The following PLIN5 variants were observed in gnomAD, a reference collection of about 807,000 sequenced individuals.
PLIN5 encodes the protein perilipin-5.
Under a neutral mutation model 32.8 loss-of-function variants are expected in PLIN5, and 34 were observed. That is an observed-to-expected ratio of 1.04 (90% CI 0.79 to 1.38). The LOEUF is 1.38. Ranked by LOEUF, PLIN5 falls within the 40% of genes most tolerant of loss-of-function variation. The pLI, the probability that PLIN5 is intolerant of heterozygous loss-of-function variation, is 0.00. For missense variants in PLIN5, 712 were observed against 660.5 expected (o/e 1.08, Z -0.85); for synonymous variants, 309 against 292.9 (o/e 1.05, Z -0.56).
chr19:4,527,471 G>A (rs563249814), intron 5 of PLIN5, among the ~76,000 whole-genome samples: 2 of 149,294 alleles, frequency 1.3e-5, no homozygotes, highest in African/African-American at 4.9e-5. Context: ...CCCAGGAGGC[G>A]GAGGCTGCAG....
intron 3 of PLIN5, among the ~76,000 whole-genome samples, chr19:4,530,776 G>T (rs756499326): frequency 6.6e-6 from 1 of 151,590 alleles, no homozygotes. Flanking sequence ...AGGTTCAAGC[G>T]ATTCTCCTGC....
Position 4,529,821 on chromosome 19 carries a change from T to C in PLIN5, c.302A>G (p.Glu101Gly), listed in dbSNP as rs185753001. The C allele has an allele frequency of 1.9e-5, 30 of 1,611,880 alleles. No homozygotes were observed. The highest frequency in any genetic ancestry group is 1.3e-4 in the Admixed American group (8 of 59,964). The change falls in exon 4 of 8, where the codon GAA (glutamate) becomes GGA (glycine). Residue 101 changes from glutamate to glycine, a missense_variant. Coordinates refer to ENST00000381848, the MANE Select transcript of PLIN5 (RefSeq NM_001013706.3). The stretch of plus-strand genomic sequence containing the variant: ...TTGCTGGAGAAAGGGAAGCTTCTCT[T>C]CCAGCTTGTCCAGGCCCCTGCAGGC... ...SLACRGLDKLEEKLPFLQQPS... is the reference protein window; with the variant it reads ...SLACRGLDKLGEKLPFLQQPS...
At chr19:4,534,459 G>A (rs1252497329) in intron 1 of PLIN5, among the ~76,000 whole-genome samples, 2 of 152,096 alleles carry the variant, frequency 1.3e-5, no homozygotes, top group African/African-American at 2.4e-5. Context: ...TGCAATTTCC[G>A]CCTCCCAGGT....
chr19:4,531,770 G>T lies in PLIN5; in HGVS notation c.113C>A (p.Ala38Glu), dbSNP rs370675802. The change falls in exon 3 of 8, where the codon GCG becomes GAG. Residue 38 changes from alanine (A) to glutamate (E), a missense_variant. Transcript: ENST00000381848. ...ALPLVRATCT[A>E]VCDVYSAAKD... is the part of the protein sequence containing the mutation. ...GGCTGCACTGTAAACATCGCAGACC[G>T]CGGTGCACGTGGCCCTGACCAGGGG... 1.7e-5 allele frequency: 27 copies of T among 1,595,462 alleles called. No homozygotes were observed. Among genetic ancestry groups the T allele is most frequent in the Non-Finnish European group, 2.3e-5 (27 of 1,173,092 alleles).
intron 4 of PLIN5, chr19:4,529,498 A>G: frequency 1.8e-6 from 1 of 542,260 alleles, no homozygotes; most frequent in Non-Finnish European, 3.3e-6. Flanking sequence ...ATACACACAT[A>G]TACATATATA....
chr19:4,529,422 G>A, intron 4 of PLIN5, 169 bp from the exon 5 acceptor site: 1 of 701,554 alleles, frequency 1.4e-6, no homozygotes, highest in Non-Finnish European at 2.3e-6. Flanking sequence ...AGAGGGTGTT[G>A]AGGGAGTTAA....
At position 4,525,032 on chromosome 19, in the gene PLIN5, G is replaced by A. The variant is rs758286912; in HGVS notation, c.765C>T (p.Cys255=). 3.4e-6 allele frequency: 5 copies of A among 1,479,266 alleles called. No individual in the cohort carries two copies. The South Asian group carries it at 6.6e-5, about 20-fold the overall frequency. 91.6% of individuals were successfully genotyped at this position (1,479,266 alleles called of 1,614,324 possible). Residue 255 remains cysteine, a synonymous_variant, in exon 7 of 8, where the codon TGC becomes TGT. Transcript: ENST00000381848. The surrounding 1 kb of genome is among the most constrained non-coding windows in gnomAD (Gnocchi z 5.6). The part of the protein sequence containing the change: ...QCGVTPTAPA[C]PGKVHELWGE... ...CCCACAGCTCGTGCACCTTCCCAGG[G>A]CAGGCCGGGGCGGTGGGGGTCACCC...
chr19:4,524,280 G>A (rs924006269), intron 7 of PLIN5, among the ~76,000 whole-genome samples, 195 bp from the exon 8 acceptor site: 1 of 152,290 alleles, frequency 6.6e-6, no homozygotes, highest in African/African-American at 2.4e-5. Context: ...GGCCGGTCGC[G>A]GTGGCTCACG....
Position 4,523,549 on chromosome 19 carries a change from C to G in PLIN5, c.1371G>C (p.Leu457=). The G allele has an allele frequency of 6.3e-7, 1 of 1,575,178 alleles. No homozygotes were observed. Residue 457 remains leucine, a synonymous_variant, in exon 8 of 8, where the codon CTG becomes CTC. Transcript: ENST00000381848. This position sits in a 1 kb window ranked among gnomAD's most constrained non-coding sequence, Gnocchi z 5.0. ...ETPSCPVKHT[L]MPELDF is the part of the protein sequence containing the mutation. ...TGGGTCAGAAGTCCAGCTCGGGCAT[C>G]AGGGTGTGCTTGACCGGGCAGCTGG...
chr19:4,529,560 A>G, intron 4 of PLIN5: 1 of 514,360 alleles, frequency 1.9e-6, no homozygotes, highest in South Asian at 3.1e-5. Flanking sequence ...ATACATATAT[A>G]CTTATACGTA....
Position 4,529,085 on chromosome 19 carries a change from C to T in PLIN5, c.508G>A (p.Glu170Lys), listed in dbSNP as rs1415080919. ...ELVDHFLPMT[E>K]EELAALAAEA... ...GTGTCGTCCTCACCGAGCTCTTCCT[C>T]CGTCATGGGCAGGAAGTGATCCACC... The change falls in exon 5 of 8, where the codon GAG (glutamate) becomes AAG (lysine). Residue 170 changes from glutamate (E) to lysine (K), a missense_variant. Coordinates refer to ENST00000381848, the MANE Select transcript of PLIN5 (RefSeq NM_001013706.3). The T allele has an allele frequency of 6.8e-6, 11 of 1,612,980 alleles. No individual in the cohort carries two copies. Among genetic ancestry groups the T allele is most frequent in the Non-Finnish European group, 9.3e-6 (11 of 1,179,856 alleles).
At chr19:4,529,733 T>TA (rs779951782) in intron 4 of PLIN5, 51 bp downstream of exon 4, 1 of 1,102,356 alleles carries the variant, frequency 9.1e-7, no homozygotes, top group Non-Finnish European at 1.4e-6. Context: ...CTCCCGCCTC[T>TA]AATCTGGCCT....
chr19:4,529,543 C>T (rs751756238), intron 4 of PLIN5: 33 of 441,068 alleles, frequency 7.5e-5, no homozygotes, highest in Non-Finnish European at 9.5e-5. Context: ...TATACTTATA[C>T]GTATATATAC....
At position 4,524,094 on chromosome 19, in the gene PLIN5, G is replaced by A. The variant is rs1976768933; in HGVS notation, c.835-9C>T. 1 of 1,406,484 alleles carries A rather than the reference G, an allele frequency of 7.1e-7. No individual in the cohort carries two copies. The highest frequency in any genetic ancestry group is 9.2e-7 in the Non-Finnish European group (1 of 1,087,128). The allele number at this position is 1,406,484 out of a possible 1,614,324, so 87.1% of individuals were successfully genotyped here. A position where few individuals can be genotyped will look rare whatever the true frequency, so the allele number is the denominator to read the frequency against. On this transcript the variant is annotated splice_polypyrimidine_tract_variant and intron_variant, in intron 7 of 7. Coordinates refer to ENST00000381848, the MANE Select transcript of PLIN5 (RefSeq NM_001013706.3). ...AGCGTCTCCAGCTCTGCCTGCAGGG[G>A]GCGGGGACCTCAGTTTCCCCTATGG...
rs1976799034 is a variant in PLIN5 at position 4,525,979 on chromosome 19, GCCAC to G, written c.521-151_521-148del. The G allele has an allele frequency of 1.2e-6, 1 of 802,346 alleles. No individual in the cohort carries two copies. Among genetic ancestry groups the G allele is most frequent in the African/African-American group, 1.6e-5 (1 of 62,828 alleles). 49.7% of individuals were successfully genotyped at this position (802,346 alleles called of 1,614,324 possible). ...ACGGGGACAGCATGGGGTCAGCACA[GCCAC>G]CCACCCCCTCCACATCTGCTCACCC... On this transcript the variant is annotated intron_variant, in intron 5 of 7. Coordinates refer to ENST00000381848, the MANE Select transcript of PLIN5 (RefSeq NM_001013706.3). This position sits in a 1 kb window ranked among gnomAD's most constrained non-coding sequence, Gnocchi z 5.6.
chr19:4,528,969 T>G, intron 5 of PLIN5, 104 bp downstream of exon 5: 1 of 1,242,620 alleles, frequency 8.0e-7, no homozygotes, highest in South Asian at 1.5e-5. Context: ...TTCCTGCTGA[T>G]CTGCTGTGTG....
chr19:4,533,059 CA>C (rs1568246667), intron 2 of PLIN5: 1 of 150,642 alleles, frequency 6.6e-6, no homozygotes, highest in East Asian at 1.9e-4. Flanking sequence ...CTCAGCCTCC[CA>C]ATTAGCTGGG....
rs369920392 is a variant in PLIN5, at chr19:4,523,482, G to A, written c.*46C>T. 2.6e-5 allele frequency: 39 copies of A among 1,510,786 alleles called. No individual in the cohort carries two copies. The highest frequency in any genetic ancestry group is 2.4e-4 in the African/African-American group (17 of 71,190). The allele number at this position is 1,510,786 out of a possible 1,614,324, so 93.6% of individuals were successfully genotyped here. The stretch of plus-strand genomic sequence containing the variant: ...TGGCCACCAGGGGGCAGCAGGGATC[G>A]GGGTGTGCAGGTGGCCTTTCCTCCC... On this transcript the variant is annotated 3_prime_UTR_variant, in exon 8 of 8. Transcript: ENST00000381848. This position sits in a 1 kb window ranked among gnomAD's most constrained non-coding sequence, Gnocchi z 5.0.
At chr19:4,530,306 C>T (rs182392576) in intron 3 of PLIN5, among the ~76,000 whole-genome samples, 1 of 152,140 alleles carries the variant, frequency 6.6e-6, no homozygotes, top group Non-Finnish European at 1.5e-5. Context: ...GACTTTTCAG[C>T]CGTGCCCAGC....
Sources: gnomAD v4.1 joint callset for allele counts (sites outside exome capture counted in the v4.1 genomes callset) on GRCh38, gnomAD v4.1.1 for gene constraint, Gnocchi (gnomAD v3.1) non-coding constraint, MANE v1.5 for transcripts, NCBI Gene and HGNC (gene_info 2026-07-23, HGNC 2026-07-21) for gene names.